TEX9: variants seen among roughly 807,000 people sequenced by gnomAD.
The protein encoded by TEX9 is testis-expressed protein 9.
In TEX9, 74 loss-of-function variants were observed where a neutral mutation model predicts 59.6. The ratio of observed to expected loss-of-function variants is 1.24; its 90% CI spans 1.03 to 1.51. The LOEUF is 1.51. TEX9 is among the 40% of genes most tolerant of loss of function. The pLI is 0.00. For synonymous variants in TEX9, 186 were observed against 152.2 expected (o/e 1.22, Z -1.64); for missense variants, 522 against 447.8 (o/e 1.17, Z -1.49).
At chr15:56,279,047 T>C (rs746000187) in intron 1 of TEX9, among the ~76,000 whole-genome samples, 12 of 152,202 alleles carry the variant, frequency 7.9e-5, no homozygotes, top group Non-Finnish European at 1.5e-4. Context: ...TTTGGAACAT[T>C]GGTTTGATAT....
intron 1 of TEX9, among the ~76,000 whole-genome samples, chr15:56,357,197 A>G (rs1415947474): frequency 6.6e-6 from 1 of 152,180 alleles, no homozygotes; most frequent in Admixed American, 6.5e-5. Context: ...GTAATTGGTC[A>G]TTAATAACCA....
chr15:56,257,031 A>G (rs1255146602), intron 1 of TEX9, among the ~76,000 whole-genome samples: 2 of 152,044 alleles, frequency 1.3e-5, no homozygotes, highest in African/African-American at 4.8e-5. Context: ...AAGTGAGAAC[A>G]TGCAGTATTT....
In TEX9 at chr15:56,358,866, A is replaced by G. The variant is rs180718158; in HGVS notation, c.-106-14575A>G. Among the ~76,000 whole-genome samples the G allele has an allele frequency of 5.9e-4, 90 of 152,066 alleles. 1 individual carries two copies. Among genetic ancestry groups the G allele is most frequent in the Middle Eastern group, 3.4e-3 (1 of 294 alleles). Reference sequence around the variant, plus strand: ...TCTGATGGTTTTATAAGTGTCTGACATTTCCTCTTTCACGTACTTGCTCTC... The same window carrying G: ...TCTGATGGTTTTATAAGTGTCTGACGTTTCCTCTTTCACGTACTTGCTCTC... On this transcript the variant is annotated intron_variant, in intron 1 of 5. Coordinates refer to the TEX9 transcript ENST00000560827.
intron 1 of TEX9, among the ~76,000 whole-genome samples, chr15:56,281,524 T>A: frequency 6.6e-6 from 1 of 152,040 alleles, no homozygotes; most frequent in East Asian, 1.9e-4. Context: ...GGTGGAAAAA[T>A]TTCATCCTAA....
chr15:56,413,289 T>TG (rs1567133808), intron 10 of TEX9, among the ~76,000 whole-genome samples: 1 of 698 alleles, frequency 1.4e-3, no homozygotes. Flanking sequence ...AATAATTTAA[T>TG]AATAAATTAT....
intron 9 of TEX9, among the ~76,000 whole-genome samples, chr15:56,404,931 A>G (rs1021676665): frequency 3.9e-5 from 6 of 152,148 alleles, no homozygotes; most frequent in Admixed American, 6.5e-5. Context: ...GAATTGAACA[A>G]TGAGACCACT....
chr15:56,346,231 A>G (rs773175194), intron 1 of TEX9, among the ~76,000 whole-genome samples: 18 of 152,198 alleles, frequency 1.2e-4, no homozygotes, highest in Non-Finnish European at 1.9e-4. Context: ...TTGGAAGAAG[A>G]TGCCTCAGAG....
At chr15:56,424,055 G>A (rs555998802) in intron 10 of TEX9, among the ~76,000 whole-genome samples, 9 of 152,136 alleles carry the variant, frequency 5.9e-5, no homozygotes, top group East Asian at 5.8e-4. Context: ...TCTTCCATCC[G>A]GTGATTCTAT....
intron 1 of TEX9, among the ~76,000 whole-genome samples, chr15:56,318,455 C>T (rs1596085452): frequency 6.6e-6 from 1 of 152,016 alleles, no homozygotes; most frequent in African/African-American, 2.4e-5. Context: ...ATCTATTCTA[C>T]AGTTCTTGGC....
At chr15:56,434,450 T>C (rs1417745297) in intron 12 of TEX9, 5 of 1,522,118 alleles carry the variant, frequency 3.3e-6, no homozygotes, top group Non-Finnish European at 4.5e-6. Flanking sequence ...ACCAGATTTA[T>C]AAGGAAAGAG....
exon 12 of TEX9, chr15:56,428,413 T>C: frequency 6.2e-7 from 1 of 1,612,308 alleles, no homozygotes; most frequent in Non-Finnish European, 8.5e-7. Flanking sequence ...GAGGAGGAAT[T>C]TATGAAAGCA....
At chr15:56,267,802 G>A (rs1377024453) in intron 1 of TEX9, among the ~76,000 whole-genome samples, 2 of 152,152 alleles carry the variant, frequency 1.3e-5, no homozygotes, top group East Asian at 3.9e-4. Flanking sequence ...GATTGTCTTG[G>A]CAATGTGGGC....
intron 1 of TEX9, among the ~76,000 whole-genome samples, chr15:56,262,486 T>A (rs1307189916): frequency 6.6e-6 from 1 of 152,246 alleles, no homozygotes; most frequent in African/African-American, 2.4e-5. Flanking sequence ...ATTTCAATAC[T>A]TTTGAAGCTT....
chr15:56,342,970 A>G (rs2141838245), intron 1 of TEX9, among the ~76,000 whole-genome samples: 1 of 152,322 alleles, frequency 6.6e-6, no homozygotes, highest in Admixed American at 6.5e-5. Flanking sequence ...AAGGGCAACA[A>G]TTTATCTTGC....
chr15:56,244,417 G>GC (rs2043788442), intron 1 of TEX9: 1 of 152,194 alleles, frequency 6.6e-6, no homozygotes, highest in South Asian at 2.1e-4. Context: ...GGCATTCAAA[G>GC]CCCTCCAAAT....
chr15:56,325,143 C>A lies in TEX9; in HGVS notation c.-106-48298C>A, dbSNP rs973810499. Among the ~76,000 whole-genome samples the A allele has an allele frequency of 2.0e-5, 3 of 152,154 alleles. No individual in the cohort carries two copies. In the East Asian group the frequency reaches 5.8e-4, roughly 29 times the overall value. ...GTATGTGTTCTCTTTTTCTGTGTAGCATTGATTACCACCTTGTAGAAACAC... is the reference window on the plus strand; with the variant it reads ...GTATGTGTTCTCTTTTTCTGTGTAGAATTGATTACCACCTTGTAGAAACAC... On this transcript the variant is annotated intron_variant, in intron 1 of 5. Transcript: ENST00000560827.
At chr15:56,429,098 A>G (rs759533580) in intron 12 of TEX9, 8 of 1,566,184 alleles carry the variant, frequency 5.1e-6, no homozygotes, top group Non-Finnish European at 7.0e-6. Context: ...AATTTTGATG[A>G]TATCATTTCT....
the TEX9 span, among the ~76,000 whole-genome samples, chr15:56,459,770 C>T: frequency 6.6e-6 from 1 of 151,154 alleles, no homozygotes; most frequent in Non-Finnish European, 1.5e-5. Context: ...GAGGACAGAT[C>T]ATCTTAGGTT....
intron 3 of TEX9, among the ~76,000 whole-genome samples, chr15:56,380,367 T>C (rs982400617): frequency 6.6e-6 from 1 of 152,222 alleles, no homozygotes; most frequent in Non-Finnish European, 1.5e-5. Context: ...TGTCTTACTG[T>C]ACTGTCTATG....
Sources: gnomAD v4.1 joint callset for allele counts (sites outside exome capture counted in the v4.1 genomes callset) on GRCh38, gnomAD v4.1.1 for gene constraint, MANE v1.5 for transcripts, NCBI Gene and HGNC (gene_info 2026-07-23, HGNC 2026-07-21) for gene names.